The following MTMR1 variants were observed in gnomAD, a reference collection of about 807,000 sequenced individuals.
MTMR1 encodes phosphatidylinositol-3-phosphate phosphatase MTMR1.
MTMR1 carries 17 observed loss-of-function variants against 51.6 expected under a neutral mutation model. That is an observed-to-expected ratio of 0.33 (90% CI 0.23 to 0.49). The LOEUF (loss-of-function observed/expected upper bound fraction) is 0.49. Ranked by LOEUF, MTMR1 falls within the 20% of genes least tolerant of loss-of-function variation. The pLI is 0.99. For missense variants in MTMR1, 386 were observed against 526.9 expected, an observed-to-expected ratio of 0.73 and a Z score of 2.62; for synonymous variants, 201 against 205.6, an observed-to-expected ratio of 0.98 and a Z score of 0.19.
intron 15 of MTMR1, among the ~76,000 whole-genome samples, chrX:150,761,532 C>T (rs1287571681): frequency 5.3e-5 from 6 of 112,819 alleles, no homozygotes; most frequent in Non-Finnish European, 9.4e-5. Flanking sequence ...CAGAGGGCCT[C>T]GAGGCCCCTC....
chrX:150,731,729 A>G, intron 9 of MTMR1, 110 bp downstream of exon 9: 1 of 689,587 alleles, frequency 1.5e-6, no homozygotes, highest in Non-Finnish European at 2.0e-6. Flanking sequence ...AAGCAGAAAA[A>G]TAAGCTTATA....
chrX:150,701,860 A>G (rs1454276176), intron 2 of MTMR1, among the ~76,000 whole-genome samples: 3 of 111,309 alleles, frequency 2.7e-5, no homozygotes, highest in Non-Finnish European at 5.7e-5. Flanking sequence ...TGCTTCTTTA[A>G]AAAAGTCCAT....
At chrX:150,729,610 C>A in intron 6 of MTMR1, among the ~76,000 whole-genome samples, 1 of 111,973 alleles carries the variant, frequency 8.9e-6, no homozygotes, top group Non-Finnish European at 1.9e-5. Flanking sequence ...CTCCTTCCAC[C>A]CACCACCCTG....
chrX:150,700,929 A>C (rs1557415909), intron 2 of MTMR1, among the ~76,000 whole-genome samples: 1 of 112,673 alleles, frequency 8.9e-6, no homozygotes, highest in Non-Finnish European at 1.9e-5. Context: ...GAAGCAACTA[A>C]GTTTTTTCAA....
intron 14 of MTMR1, chrX:150,751,330 C>A: frequency 1.9e-6 from 1 of 537,087 alleles, no homozygotes; most frequent in Non-Finnish European, 2.3e-6. Context: ...CTTTTTCCCT[C>A]AGTGTGGGAT....
intron 2 of MTMR1, among the ~76,000 whole-genome samples, chrX:150,702,725 G>A (rs905954829): frequency 9.8e-5 from 11 of 111,951 alleles, no homozygotes; most frequent in African/African-American, 3.3e-4. Flanking sequence ...TATTAAAAAG[G>A]AATGGATTTT....
rs782261303 is a variant in MTMR1 at position 150,730,414 on chromosome X, A to G, written c.658-111A>G. 8.5e-6 allele frequency: 5 copies of G among 585,432 alleles called. 1 individual carries two copies. In the South Asian group the frequency reaches 2.2e-4, roughly 26 times the overall value. 48.2% of individuals were successfully genotyped at this position (585,432 alleles called of 1,213,427 possible). A position where few individuals can be genotyped will look rare whatever the true frequency, so the allele number is the denominator to read the frequency against. ...TTTGTTGCTGTAAAATTTACAGACTAAAATAGGAATCTTAATACACTCAGC... is the reference window on the plus strand; with the variant it reads ...TTTGTTGCTGTAAAATTTACAGACTGAAATAGGAATCTTAATACACTCAGC... On this transcript the variant is annotated intron_variant, in intron 7 of 15. Coordinates refer to ENST00000445323, the MANE Select transcript of MTMR1 (RefSeq NM_001306144.3).
intron 1 of MTMR1, among the ~76,000 whole-genome samples, chrX:150,698,673 C>T (rs974228311): frequency 5.6e-5 from 3 of 53,947 alleles, no homozygotes; most frequent in South Asian, 1.6e-3. Flanking sequence ...CCTGTCTACA[C>T]GCGCGCGCAC....
intron 3 of MTMR1, chrX:150,712,709 A>G: frequency 4.5e-6 from 1 of 221,549 alleles, no homozygotes; most frequent in Non-Finnish European, 8.4e-6. Flanking sequence ...AATCTTGTTT[A>G]TTGTGTAATT....
intron 10 of MTMR1, 45 bp from the exon 11 acceptor site, chrX:150,736,550 A>C (rs1217467598): frequency 8.7e-7 from 1 of 1,143,656 alleles, no homozygotes; most frequent in Non-Finnish European, 1.2e-6. Context: ...AAGAATAGAA[A>C]AGTTAATTCC....
chrX:150,697,025 G>A (rs1410217586), intron 1 of MTMR1, among the ~76,000 whole-genome samples: 1 of 112,067 alleles, frequency 8.9e-6, no homozygotes, highest in African/African-American at 3.2e-5. Flanking sequence ...GCAGGCAGGT[G>A]GTAATAGCAG....
intron 11 of MTMR1, among the ~76,000 whole-genome samples, 174 bp from the exon 12 acceptor site, chrX:150,737,068 T>C (rs557266987): frequency 1.8e-5 from 2 of 111,905 alleles, no homozygotes; most frequent in Middle Eastern, 9.2e-3. Flanking sequence ...TCTTTTCTTT[T>C]TATTTTTTTA....
Position 150,718,609 on chromosome X carries a change from T to TCCAGGCTC in MTMR1, c.277-16_277-15insCCAGGCTC. ...CTTTTTTTTTTTTTTTTTTTTTTTT[T>TCCAGGCTC]TTTTTTTTTTGCCAGGCTCTAAGGG... On this transcript the variant is annotated splice_polypyrimidine_tract_variant and intron_variant, in intron 3 of 15. Transcript: ENST00000445323. 3 of 660,427 alleles carry TCCAGGCTC rather than the reference T, an allele frequency of 4.5e-6. No homozygotes were observed. Among genetic ancestry groups the TCCAGGCTC allele is most frequent in the Non-Finnish European group, 6.1e-6 (3 of 495,789 alleles). 54.4% of individuals were successfully genotyped at this position (660,427 alleles called of 1,213,427 possible).
chrX:150,738,148 C>T (rs1174136361), intron 12 of MTMR1, among the ~76,000 whole-genome samples: 4 of 112,110 alleles, frequency 3.6e-5, no homozygotes, highest in African/African-American at 1.3e-4. Flanking sequence ...CCTCACTTCC[C>T]CCAGCCCCTG....
At chrX:150,736,499 G>T in intron 10 of MTMR1, 96 bp from the exon 11 acceptor site, 1 of 842,650 alleles carries the variant, frequency 1.2e-6, no homozygotes, top group Non-Finnish European at 1.7e-6. Context: ...TTGCAGATGA[G>T]TTTGTTGCTT....
chrX:150,732,434 ATATG>A, intron 9 of MTMR1, 104 bp from the exon 10 acceptor site: 1 of 692,423 alleles, frequency 1.4e-6, no homozygotes, highest in South Asian at 3.7e-5. Flanking sequence ...TTTGAAGAAA[ATATG>A]TATAAGAGAC....
At chrX:150,752,473 G>A (rs782032407) in intron 14 of MTMR1, among the ~76,000 whole-genome samples, 1 of 110,955 alleles carries the variant, frequency 9.0e-6, no homozygotes, top group East Asian at 2.8e-4. Flanking sequence ...AGTGTGATGG[G>A]GACTTGCTAA....
intron 2 of MTMR1, among the ~76,000 whole-genome samples, chrX:150,708,355 G>A (rs2041188068): frequency 9.0e-6 from 1 of 111,229 alleles, no homozygotes; most frequent in African/African-American, 3.3e-5. Context: ...TATATTACAT[G>A]TAAAAATTTG....
At chrX:150,750,331 G>A (rs966156970) in intron 13 of MTMR1, among the ~76,000 whole-genome samples, 4 of 112,071 alleles carry the variant, frequency 3.6e-5, no homozygotes, top group African/African-American at 1.3e-4. Context: ...CACAATAGAG[G>A]GCTCCCCTCA....
Sources: gnomAD v4.1 joint callset for allele counts (sites outside exome capture counted in the v4.1 genomes callset) on GRCh38, gnomAD v4.1.1 for gene constraint, MANE v1.5 for transcripts, NCBI Gene and HGNC (gene_info 2026-07-23, HGNC 2026-07-21) for gene names.